The following NTN1 variants were observed in gnomAD, a reference collection of about 807,000 sequenced individuals.
NTN1 encodes the protein netrin-1.
In NTN1, 11 loss-of-function variants were observed where a neutral mutation model predicts 54.2. That is an observed-to-expected ratio of 0.20 (90% CI 0.13 to 0.34). The LOEUF is 0.34. NTN1 is among the 10% of genes least tolerant of loss of function. NTN1 has a pLI of 1.00. For synonymous variants in NTN1, 371 were observed against 382.0 expected, an observed-to-expected ratio of 0.97 and a Z score of 0.33; for missense variants, 740 against 893.1, an observed-to-expected ratio of 0.83 and a Z score of 2.18.
intron 3 of NTN1, among the ~76,000 whole-genome samples, chr17:9,169,714 A>G (rs2092382112): frequency 6.6e-6 from 1 of 151,968 alleles, no homozygotes; most frequent in African/African-American, 2.4e-5. Flanking sequence ...AAAATACAAG[A>G]ATTAGCCGGG....
chr17:9,126,928 G>A (rs1417003830), intron 2 of NTN1, among the ~76,000 whole-genome samples: 5 of 152,076 alleles, frequency 3.3e-5, no homozygotes, highest in African/African-American at 1.2e-4. Context: ...GGAGAAGGGA[G>A]GCTGGTAGCA....
In NTN1 at chr17:9,221,088, G is replaced by A. The variant is rs567975513; in HGVS notation, c.1412-80G>A. ...CAGGCCTCTGGCTATTTAGGGAGGC[G>A]GCCTCCTACTCTGCCCGCCAGCCTA... On this transcript the variant is annotated intron_variant, in intron 5 of 6. Transcript: ENST00000173229. The surrounding 1 kb of genome is among the most constrained non-coding windows in gnomAD (Gnocchi z 4.5). The A allele has an allele frequency of 2.3e-5, 24 of 1,024,318 alleles. No homozygotes were observed. The highest frequency in any genetic ancestry group is 6.4e-5 in the South Asian group (5 of 78,598). 63.5% of individuals were successfully genotyped at this position (1,024,318 alleles called of 1,614,324 possible). A position where few individuals can be genotyped will look rare whatever the true frequency, so the allele number is the denominator to read the frequency against.
At chr17:9,164,629 A>G (rs2092368797) in intron 3 of NTN1, among the ~76,000 whole-genome samples, 1 of 152,158 alleles carries the variant, frequency 6.6e-6, no homozygotes, top group African/African-American at 2.4e-5. Context: ...CAGGTTCCCA[A>G]TCTGTCTCTT....
intron 5 of NTN1, among the ~76,000 whole-genome samples, chr17:9,198,718 A>AG (rs1328985568): frequency 1.3e-5 from 2 of 152,174 alleles, no homozygotes; most frequent in Non-Finnish European, 2.9e-5. Flanking sequence ...CCAGAGACCA[A>AG]GGGGAACTGG....
chr17:9,202,156 G>A (rs905273085), intron 5 of NTN1, among the ~76,000 whole-genome samples: 24 of 148,116 alleles, frequency 1.6e-4, no homozygotes, highest in Admixed American at 9.5e-4. Context: ...CGGGAGAATC[G>A]CTTGAACCCG....
intron 2 of NTN1, among the ~76,000 whole-genome samples, chr17:9,119,413 C>T (rs1206583906): frequency 1.3e-5 from 2 of 152,154 alleles, no homozygotes; most frequent in Non-Finnish European, 2.9e-5. Context: ...GTCTTGAACT[C>T]CTGACCTCAG....
chr17:9,022,517 G>A lies in NTN1; in HGVS notation c.144G>A (p.Pro48=). Reference sequence around the variant, plus strand: ...CCTGCTCGGACGAGAACGGCCACCCGCGCCGCTGCATCCCGGACTTTGTCA... The same window carrying A: ...CCTGCTCGGACGAGAACGGCCACCCACGCCGCTGCATCCCGGACTTTGTCA... ...PDPCSDENGH[P]RRCIPDFVNA... Residue 48 remains proline (P), a synonymous_variant, in exon 2 of 7, where the codon CCG becomes CCA. Transcript: ENST00000173229. 1 of 1,548,398 alleles carries A rather than the reference G, an allele frequency of 6.5e-7. No individual in the cohort carries two copies. The highest frequency in any genetic ancestry group is 2.4e-5 in the East Asian group (1 of 41,370).
chr17:9,027,878 G>A (rs982254827), intron 2 of NTN1, among the ~76,000 whole-genome samples: 5 of 152,064 alleles, frequency 3.3e-5, no homozygotes, highest in South Asian at 2.1e-4. Flanking sequence ...CAAAGGTGGC[G>A]AAGCTGAGCT....
At chr17:9,013,809 C>T in the NTN1 span, among the ~76,000 whole-genome samples, 242 of 152,336 alleles carry the variant, frequency 1.6e-3, 1 homozygote, top group Non-Finnish European at 2.7e-3. Flanking sequence ...ACATCCTTTT[C>T]TTTGCACCCT....
intron 2 of NTN1, among the ~76,000 whole-genome samples, chr17:9,087,106 G>A (rs1295013275): frequency 6.6e-6 from 1 of 152,218 alleles, no homozygotes; most frequent in African/African-American, 2.4e-5. Context: ...AGGTTACACA[G>A]TTTGACCAAG....
At chr17:9,128,748 C>T (rs1052197036) in intron 2 of NTN1, among the ~76,000 whole-genome samples, 8 of 152,176 alleles carry the variant, frequency 5.3e-5, no homozygotes, top group Non-Finnish European at 8.8e-5. Flanking sequence ...AATGCTCCCT[C>T]CTGGCTCCAT....
At chr17:9,170,110 A>C (rs2092383581) in intron 3 of NTN1, among the ~76,000 whole-genome samples, 3 of 152,158 alleles carry the variant, frequency 2.0e-5, no homozygotes, top group Admixed American at 2.0e-4. Flanking sequence ...AGCTTTGAAA[A>C]GCATGGAACT....
rs977836866 is a variant in NTN1 at position 9,219,025 on chromosome 17, A to C, written c.1412-2143A>C. On this transcript the variant is annotated intron_variant, in intron 5 of 6. Coordinates refer to ENST00000173229, the MANE Select transcript of NTN1 (RefSeq NM_004822.3). The surrounding 1 kb of genome is among the most constrained non-coding windows in gnomAD (Gnocchi z 4.5). ...GCTTCCCTAAGTGGAGAAAGCAGGAAGGGATTTCAGCCAGCTCACGCAGAA... is the reference window on the plus strand; with the variant it reads ...GCTTCCCTAAGTGGAGAAAGCAGGACGGGATTTCAGCCAGCTCACGCAGAA... Among the ~76,000 whole-genome samples the C allele has an allele frequency of 6.6e-6, 1 of 152,224 alleles. No homozygotes were observed. The highest frequency in any genetic ancestry group is 2.4e-5 in the African/African-American group (1 of 41,458).
intron 2 of NTN1, among the ~76,000 whole-genome samples, chr17:9,138,151 A>G (rs2092286928): frequency 6.6e-6 from 1 of 152,184 alleles, no homozygotes; most frequent in African/African-American, 2.4e-5. Context: ...TTGTCTTCAG[A>G]ATGATTGCTC....
At chr17:9,043,445 C>T (rs1231764638) in intron 2 of NTN1, among the ~76,000 whole-genome samples, 3 of 152,192 alleles carry the variant, frequency 2.0e-5, no homozygotes, top group African/African-American at 7.2e-5. Context: ...AGTCACAGAG[C>T]TGCAAAACCC....
In NTN1 at chr17:9,022,360, A is replaced by C. The variant is rs1461064855; in HGVS notation, c.-14A>C. The C allele has an allele frequency of 7.8e-7, 1 of 1,289,430 alleles. No homozygotes were observed. Among genetic ancestry groups the C allele is most frequent in the Non-Finnish European group, 9.8e-7 (1 of 1,025,144 alleles). The allele number at this position is 1,289,430 out of a possible 1,614,324, so 79.9% of individuals were successfully genotyped here. A position where few individuals can be genotyped will look rare whatever the true frequency, so the allele number is the denominator to read the frequency against. On this transcript the variant is annotated 5_prime_UTR_variant, in exon 2 of 7. Transcript: ENST00000173229. ...ATCCTCGGCGCGGCAGGGCCGGGGC[A>C]AGCTGGACGCAGCATGATGCGCGCA...
At chr17:9,191,825 C>T (rs1231538935) in intron 5 of NTN1, among the ~76,000 whole-genome samples, 2 of 125,036 alleles carry the variant, frequency 1.6e-5, no homozygotes, top group East Asian at 4.7e-4. Flanking sequence ...TCCAGAAGTT[C>T]AAGACCAGTC....
intron 6 of NTN1, among the ~76,000 whole-genome samples, chr17:9,234,633 T>TGCCCTGAGCAGAGCCCC (rs1244126036): frequency 6.6e-6 from 1 of 152,026 alleles, no homozygotes; most frequent in Non-Finnish European, 1.5e-5. Flanking sequence ...AGCAGAGCCC[T>TGCCCTGAGCAGAGCCCC]GCCCTGAGCA....
At chr17:9,231,498 C>T (rs992796183) in intron 6 of NTN1, among the ~76,000 whole-genome samples, 7 of 152,186 alleles carry the variant, frequency 4.6e-5, no homozygotes, top group African/African-American at 9.7e-5. Flanking sequence ...TGACGAGTTC[C>T]GAGCCAAGTC....
Sources: allele counts gnomAD v4.1 joint callset (sites outside exome capture counted in the v4.1 genomes callset), GRCh38; gene constraint gnomAD v4.1.1; non-coding constraint Gnocchi (gnomAD v3.1); transcripts MANE v1.5; gene names NCBI Gene and HGNC (gene_info 2026-07-23, HGNC 2026-07-21).